EGFL6: variants seen among roughly 807,000 people sequenced by gnomAD.
EGFL6 encodes the protein epidermal growth factor-like protein 6.
In EGFL6, 42 loss-of-function variants were observed where a neutral mutation model predicts 43.1. That is an observed-to-expected ratio of 0.98 (90% CI 0.76 to 1.26). The LOEUF (loss-of-function observed/expected upper bound fraction) is 1.26, where lower values mean the gene tolerates loss of function less well. Ranked by LOEUF, EGFL6 falls within the 50% of genes most tolerant of loss-of-function variation. The pLI, the probability that EGFL6 is intolerant of heterozygous loss-of-function variation, is 0.00. For missense variants in EGFL6, 429 were observed against 427.8 expected (o/e 1.00, Z -0.02); for synonymous variants, 164 against 163.2 (o/e 1.01, Z -0.04).
chrX:13,575,646 C>A (rs941360513), intron 1 of EGFL6, among the ~76,000 whole-genome samples: 2 of 111,941 alleles, frequency 1.8e-5, no homozygotes, highest in African/African-American at 6.5e-5. Flanking sequence ...ACATAAGGTA[C>A]GTTCAGAAAA....
At chrX:13,627,402 C>A in intron 11 of EGFL6, 126 bp downstream of exon 11, 1 of 898,358 alleles carries the variant, frequency 1.1e-6, no homozygotes, top group Non-Finnish European at 1.5e-6. Flanking sequence ...TTTCCCTACA[C>A]TTAAAGAATA....
intron 5 of EGFL6, among the ~76,000 whole-genome samples, chrX:13,603,683 A>G (rs1394406246): frequency 1.8e-5 from 2 of 112,480 alleles, no homozygotes; most frequent in Non-Finnish European, 3.8e-5. Flanking sequence ...GGATAATTTT[A>G]GTATATTTAC....
intron 11 of EGFL6, among the ~76,000 whole-genome samples, chrX:13,629,917 T>A (rs996687053): frequency 1.2e-4 from 13 of 112,168 alleles, no homozygotes; most frequent in African/African-American, 4.2e-4. Flanking sequence ...GATACCCATA[T>A]CTTCTGCACC....
At chrX:13,624,055 C>G (rs2045765478) in intron 10 of EGFL6, 130 bp downstream of exon 10, 1 of 469,709 alleles carries the variant, frequency 2.1e-6, no homozygotes, top group Non-Finnish European at 3.6e-6. Context: ...ACTTTTAGAC[C>G]TTCTGAGCTC....
chrX:13,572,347 T>A (rs568011521), intron 1 of EGFL6, among the ~76,000 whole-genome samples: 2 of 112,679 alleles, frequency 1.8e-5, no homozygotes, highest in East Asian at 5.5e-4. Flanking sequence ...TTGATATTGA[T>A]TACATGTTGA....
At chrX:13,620,283 A>G (rs1044636851) in intron 9 of EGFL6, among the ~76,000 whole-genome samples, 5 of 111,671 alleles carry the variant, frequency 4.5e-5, no homozygotes, top group Non-Finnish European at 7.5e-5. Flanking sequence ...TGGTATAAGT[A>G]TGAATGCCTT....
intron 11 of EGFL6, among the ~76,000 whole-genome samples, chrX:13,631,519 T>C (rs1423420905): frequency 1.8e-5 from 2 of 111,979 alleles, no homozygotes; most frequent in African/African-American, 6.5e-5. Flanking sequence ...CAGTGGCTCA[T>C]GCCTGTAATT....
chrX:13,577,144 CT>C (rs1437605704), intron 1 of EGFL6, among the ~76,000 whole-genome samples: 2 of 109,273 alleles, frequency 1.8e-5, no homozygotes, highest in Non-Finnish European at 3.8e-5. Context: ...TCTTTCTTTC[CT>C]TTTTGGCCAG....
rs1454152530 is a variant in EGFL6 at position 13,608,513 on chromosome X, T to G, written c.778+67T>G. 5 of 1,129,191 alleles carry G rather than the reference T, an allele frequency of 4.4e-6. No individual in the cohort carries two copies. In the African/African-American group the frequency reaches 9.1e-5, roughly 20 times the overall value. 93.1% of individuals were successfully genotyped at this position (1,129,191 alleles called of 1,213,427 possible). On this transcript the variant is annotated intron_variant, in intron 7 of 11. Transcript: ENST00000361306. ...AAGCATTCTCCCCATATCTCCTTCC[T>G]CCCTCTATTTCTCTCCTTTCTTTGT...
At chrX:13,585,356 AG>A (rs1480696711) in intron 1 of EGFL6, among the ~76,000 whole-genome samples, 2 of 112,162 alleles carry the variant, frequency 1.8e-5, no homozygotes, top group African/African-American at 6.5e-5. Flanking sequence ...GCACCTTCAA[AG>A]GGAACATCTG....
At chrX:13,579,872 C>G (rs1467556064) in intron 1 of EGFL6, among the ~76,000 whole-genome samples, 1 of 110,978 alleles carries the variant, frequency 9.0e-6, no homozygotes, top group African/African-American at 3.3e-5. Context: ...TCTATGTGGA[C>G]CTCTCCACAG....
At chrX:13,585,324 T>C (rs2045528115) in intron 1 of EGFL6, among the ~76,000 whole-genome samples, 1 of 112,322 alleles carries the variant, frequency 8.9e-6, no homozygotes. Context: ...ACCCTGTTTG[T>C]CTTAAGTCTA....
chrX:13,600,023 T>G lies in EGFL6; in HGVS notation c.329T>G (p.Val110Gly), dbSNP rs1443194349. Reference protein sequence around the residue: ...MKPRPCQHRCVNTHGSYKCFC... With the variant: ...MKPRPCQHRCGNTHGSYKCFC... ...CCCCGGCCATGCCAACACAGATGTG[T>G]GAATACACACGGAAGCTACAAGTGC... Residue 110 changes from valine (V) to glycine (G), a missense_variant, in exon 4 of 12, where the codon GTG becomes GGG. Val to Gly is a moderately radical substitution (Grantham distance 109). Transcript: ENST00000361306. The G allele has an allele frequency of 8.3e-7, 1 of 1,208,741 alleles. No homozygotes were observed. The highest frequency in any genetic ancestry group is 1.8e-5 in the African/African-American group (1 of 57,055).
Position 13,627,210 on chromosome X carries a change from G to T in EGFL6, c.1485G>T (p.Thr495=). The change falls in exon 11 of 12, where the codon ACG becomes ACT. Residue 495 remains threonine (T), a synonymous_variant. Coordinates refer to ENST00000361306, the MANE Select transcript of EGFL6 (RefSeq NM_015507.4). ...SNNALAWEKT[T]SEDEKWKTGK... ...ATGCCCTGGCATGGGAGAAGACCAC[G>T]AGTGAGGATGAAAAGTGGAAGACAG... 1.7e-6 allele frequency: 2 copies of T among 1,212,079 alleles called. No individual in the cohort carries two copies. The highest frequency in any genetic ancestry group is 2.2e-6 in the Non-Finnish European group (2 of 895,470).
chrX:13,595,824 A>G (rs1602645164), intron 3 of EGFL6, among the ~76,000 whole-genome samples: 1 of 109,145 alleles, frequency 9.2e-6, no homozygotes, highest in African/African-American at 3.4e-5. Flanking sequence ...GGCTCTAGCA[A>G]TCCTCCCATC....
chrX:13,627,704 C>A (rs770408350), intron 11 of EGFL6, among the ~76,000 whole-genome samples: 2 of 111,759 alleles, frequency 1.8e-5, no homozygotes, highest in Non-Finnish European at 3.8e-5. Flanking sequence ...CCCAGGACCA[C>A]CCTTAGGTTC....
intron 11 of EGFL6, among the ~76,000 whole-genome samples, chrX:13,632,328 GTC>G (rs1458298272): frequency 4.7e-5 from 4 of 85,641 alleles, no homozygotes; most frequent in African/African-American, 4.7e-5. Context: ...TTGAGGCAGA[GTC>G]TCACTCTGTC....
intron 2 of EGFL6, among the ~76,000 whole-genome samples, chrX:13,592,850 G>T (rs903035228): frequency 7.5e-5 from 6 of 80,066 alleles, no homozygotes; most frequent in South Asian, 1.0e-3. Context: ...TGCCCACAGT[G>T]TTGCCTTTGT....
intron 3 of EGFL6, among the ~76,000 whole-genome samples, chrX:13,598,960 T>A (rs867520476): frequency 2.5e-3 from 258 of 104,482 alleles, no homozygotes; most frequent in Non-Finnish European, 3.5e-3. Flanking sequence ...ATATATATAT[T>A]TTTTTAAATC....
Sources: allele counts gnomAD v4.1 joint callset (sites outside exome capture counted in the v4.1 genomes callset), GRCh38; gene constraint gnomAD v4.1.1; transcripts MANE v1.5; gene names NCBI Gene and HGNC (gene_info 2026-07-23, HGNC 2026-07-21).